Variants in EIF4G3 observed in about 807,000 individuals in gnomAD.
EIF4G3 encodes eukaryotic translation initiation factor 4 gamma 3, also known as eIF-4-gamma 3.
A neutral mutation model predicts 186.4 loss-of-function variants in EIF4G3; 34 were observed. The ratio of observed to expected loss-of-function variants is 0.18; its 90% CI spans 0.14 to 0.24. The LOEUF (loss-of-function observed/expected upper bound fraction) is 0.24, where lower values mean the gene tolerates loss of function less well. Ranked by LOEUF, EIF4G3 falls within the 10% of genes least tolerant of loss-of-function variation. The probability of loss-of-function intolerance (pLI) is 1.00; values close to 1 mark genes in which losing one functional copy is unlikely to be tolerated. For missense variants in EIF4G3, 1,536 were observed against 1,948.5 expected, an observed-to-expected ratio of 0.79 and a Z score of 3.99; for synonymous variants, 673 against 679.5, an observed-to-expected ratio of 0.99 and a Z score of 0.15.
At chr1:21,037,486 T>C (rs1217706842) in intron 4 of EIF4G3, among the ~76,000 whole-genome samples, 2 of 152,162 alleles carry the variant, frequency 1.3e-5, no homozygotes, top group Admixed American at 6.5e-5. Flanking sequence ...CCCACTCTTA[T>C]TCTGGGTGAA....
At chr1:21,119,741 G>A (rs776465138) in intron 2 of EIF4G3, among the ~76,000 whole-genome samples, 36 of 151,968 alleles carry the variant, frequency 2.4e-4, no homozygotes, top group Middle Eastern at 3.4e-3. Flanking sequence ...TATATAGTAC[G>A]GAGGCTATAA....
chr1:21,141,412 T>C (rs2097335673), intron 2 of EIF4G3, among the ~76,000 whole-genome samples: 1 of 148,720 alleles, frequency 6.7e-6, no homozygotes, highest in East Asian at 1.9e-4. Context: ...TGTAGTTCTA[T>C]GTAAAAAAAA....
At chr1:21,154,431 A>G (rs894146768) in intron 2 of EIF4G3, among the ~76,000 whole-genome samples, 1 of 152,252 alleles carries the variant, frequency 6.6e-6, no homozygotes, top group Non-Finnish European at 1.5e-5. Flanking sequence ...AACCTGCAAC[A>G]TTCTACGAAA....
intron 2 of EIF4G3, among the ~76,000 whole-genome samples, chr1:21,148,188 T>A (rs2097485180): frequency 6.6e-6 from 1 of 152,108 alleles, no homozygotes; most frequent in African/African-American, 2.4e-5. Context: ...CCCATCTCAA[T>A]ATCCCAAGTA....
rs773935562 is a variant in EIF4G3 at position 20,886,352 on chromosome 1, C to T, written c.2273G>A (p.Arg758Gln). ...RGVPLLNVGS[R>Q]RSQPGQRREP... is the part of the protein sequence containing the mutation. Reference sequence around the variant, plus strand: ...TCTTCTTTGGCCAGGTTGAGATCTTCGTGACCCAACATTCAACAACTAGGA... The same window carrying T: ...TCTTCTTTGGCCAGGTTGAGATCTTTGTGACCCAACATTCAACAACTAGGA... The change falls in exon 19 of 37, where the codon CGA becomes CAA. Residue 758 changes from arginine to glutamine, a missense_variant. Arg to Gln is a conservative substitution (Grantham distance 43). Coordinates refer to ENST00000602326, the MANE Select transcript of EIF4G3 (RefSeq NM_001391906.1). 8 of 1,613,132 alleles carry T rather than the reference C, an allele frequency of 5.0e-6. No homozygotes were observed. Among genetic ancestry groups the T allele is most frequent in the African/African-American group, 1.3e-5 (1 of 74,820 alleles).
At chr1:21,159,515 T>C (rs952000681) in intron 2 of EIF4G3, among the ~76,000 whole-genome samples, 2 of 150,856 alleles carry the variant, frequency 1.3e-5, no homozygotes, top group African/African-American at 4.9e-5. Context: ...AGCGGGCTGA[T>C]CACCTGAGGT....
chr1:21,143,147 G>T lies in EIF4G3; in HGVS notation c.-272+33028C>A, dbSNP rs533250841. On this transcript the variant is annotated intron_variant, in intron 2 of 36. Coordinates refer to ENST00000602326, the MANE Select transcript of EIF4G3 (RefSeq NM_001391906.1). ...GCCTGTAATCCCAGCTACTAGGGAGGTTGAGGCTGGAGAATAACTTGAACC... is the reference window on the plus strand; with the variant it reads ...GCCTGTAATCCCAGCTACTAGGGAGTTTGAGGCTGGAGAATAACTTGAACC... Among the ~76,000 whole-genome samples the T allele has an allele frequency of 8.5e-5, 13 of 152,190 alleles. 1 individual carries two copies. The East Asian group carries it at 2.5e-3, about 29-fold the overall frequency.
intron 31 of EIF4G3, among the ~76,000 whole-genome samples, chr1:20,828,142 C>T (rs2064145237): frequency 6.7e-6 from 1 of 149,982 alleles, no homozygotes; most frequent in South Asian, 2.1e-4. Flanking sequence ...AAGCGATTCT[C>T]CTGCCTCAGC....
chr1:20,906,066 A>T (rs2091995437), intron 14 of EIF4G3, among the ~76,000 whole-genome samples: 1 of 152,210 alleles, frequency 6.6e-6, no homozygotes, highest in Admixed American at 6.5e-5. Context: ...GTACCATCTT[A>T]AAAAATACTC....
chr1:20,851,267 T>C lies in EIF4G3; in HGVS notation c.3763A>G (p.Arg1255Gly), dbSNP rs1233899853. Residue 1255 changes from arginine (R) to glycine (G), a missense_variant, in exon 28 of 37, where the codon AGG becomes GGG. Arg to Gly is a moderately radical substitution (Grantham distance 125, BLOSUM62 -2). Coordinates refer to ENST00000602326, the MANE Select transcript of EIF4G3 (RefSeq NM_001391906.1). Reference protein sequence around the residue: ...NSTEAERNKTRESAKPEISAM... With the variant: ...NSTEAERNKTGESAKPEISAM... ...AAGCCAAGTCTCTCACCTGACTCCCTTGTTTTATTTCGCTCAGCCTCAGTG... is the reference window on the plus strand; with the variant it reads ...AAGCCAAGTCTCTCACCTGACTCCCCTGTTTTATTTCGCTCAGCCTCAGTG... The C allele has an allele frequency of 3.7e-6, 6 of 1,614,094 alleles. No individual in the cohort carries two copies. The highest frequency in any genetic ancestry group is 2.2e-5 in the East Asian group (1 of 44,874).
intron 15 of EIF4G3, 127 bp downstream of exon 15, chr1:20,904,751 TAAAAC>T: frequency 2.0e-6 from 1 of 508,210 alleles, no homozygotes; most frequent in Non-Finnish European, 3.3e-6. Context: ...AAAATGGACT[TAAAAC>T]AATTAGTCTC....
chr1:21,008,210 A>C (rs2154569554), intron 4 of EIF4G3, among the ~76,000 whole-genome samples: 1 of 152,398 alleles, frequency 6.6e-6, no homozygotes, highest in African/African-American at 2.4e-5. Flanking sequence ...TAGAGTTCTA[A>C]ATAATTTTTG....
chr1:20,873,572 C>T (rs1217260493), intron 20 of EIF4G3, among the ~76,000 whole-genome samples: 1 of 151,372 alleles, frequency 6.6e-6, no homozygotes, highest in African/African-American at 2.4e-5. Context: ...CAATTGCCCT[C>T]ATAAATGGTT....
intron 2 of EIF4G3, among the ~76,000 whole-genome samples, chr1:21,153,938 C>T (rs1482667142): frequency 6.6e-6 from 1 of 152,016 alleles, no homozygotes; most frequent in Non-Finnish European, 1.5e-5. Context: ...CATTGCTGAA[C>T]ATGCTGTTGG....
chr1:21,085,559 C>A (rs2095939429), intron 3 of EIF4G3, among the ~76,000 whole-genome samples: 1 of 152,018 alleles, frequency 6.6e-6, no homozygotes. Context: ...CACCACCATG[C>A]CTGGCTAGTT....
intron 25 of EIF4G3, among the ~76,000 whole-genome samples, chr1:20,855,686 C>T (rs2074675717): frequency 6.6e-6 from 1 of 152,138 alleles, no homozygotes; most frequent in African/African-American, 2.4e-5. Flanking sequence ...AACATAAAAG[C>T]TGTAATGTAG....
chr1:21,110,836 G>A (rs180868551), intron 2 of EIF4G3, among the ~76,000 whole-genome samples: 138 of 152,320 alleles, frequency 9.1e-4, no homozygotes, highest in African/African-American at 3.2e-3. Flanking sequence ...CAAAGTGCTA[G>A]GATTATAGGC....
At position 21,086,468 on chromosome 1, in the gene EIF4G3, C is replaced by T. The variant is rs368168813; in HGVS notation, c.-196+2670G>A. Among the ~76,000 whole-genome samples, 14 of 152,200 alleles carry T rather than the reference C, an allele frequency of 9.2e-5. 2 individuals are homozygous for T. The highest frequency in any genetic ancestry group is 3.4e-4 in the African/African-American group (14 of 41,528). On this transcript the variant is annotated intron_variant, in intron 3 of 36. Coordinates refer to ENST00000602326, the MANE Select transcript of EIF4G3 (RefSeq NM_001391906.1). ...ATAGTGAACTGTCTACTGGCCATTC[C>T]ATTAACCACGCCTCTGGATCTTCAC...
chr1:20,877,567 AATC>A (rs2154553855), intron 20 of EIF4G3, among the ~76,000 whole-genome samples: 1 of 152,312 alleles, frequency 6.6e-6, no homozygotes, highest in Non-Finnish European at 1.5e-5. Flanking sequence ...TTATTATAAT[AATC>A]ATCCTCATTC....
Sources: allele counts gnomAD v4.1 joint callset (sites outside exome capture counted in the v4.1 genomes callset), GRCh38; gene constraint gnomAD v4.1.1; transcripts MANE v1.5; gene names NCBI Gene and HGNC (gene_info 2026-07-23, HGNC 2026-07-21).